Variants in SCAPER observed in about 807,000 individuals in gnomAD.
The protein encoded by SCAPER is S phase cyclin A-associated protein in the endoplasmic reticulum.
SCAPER carries 98 observed loss-of-function variants against 182.2 expected under a neutral mutation model. The observed-to-expected ratio is 0.54, with a 90% confidence interval of 0.46 to 0.64. SCAPER has a LOEUF of 0.64. SCAPER is among the 30% of genes least tolerant of loss of function. The pLI is 0.00. For synonymous variants in SCAPER, 605 were observed against 564.6 expected, an observed-to-expected ratio of 1.07 and a Z score of -1.01; for missense variants, 1,432 against 1,690.0, an observed-to-expected ratio of 0.85 and a Z score of 2.68.
chr15:76,548,704 C>G (rs1023644636), intron 23 of SCAPER, among the ~76,000 whole-genome samples: 1 of 152,200 alleles, frequency 6.6e-6, no homozygotes, highest in Admixed American at 6.5e-5. Flanking sequence ...AAAGGATTCC[C>G]TATTTAATAA....
chr15:76,497,999 A>AAT (rs2040734005), intron 24 of SCAPER, among the ~76,000 whole-genome samples: 3 of 116,748 alleles, frequency 2.6e-5, no homozygotes, highest in South Asian at 4.9e-4. Context: ...CAAAAAAAAA[A>AAT]AAAAAAAAAA....
chr15:76,635,407 T>C (rs1355174473), intron 21 of SCAPER, among the ~76,000 whole-genome samples: 5 of 152,154 alleles, frequency 3.3e-5, no homozygotes, highest in African/African-American at 1.2e-4. Context: ...AAATTCAACA[T>C]AGACAGTGGC....
chr15:76,772,939 T>A (rs2063550143), intron 9 of SCAPER, among the ~76,000 whole-genome samples: 1 of 151,946 alleles, frequency 6.6e-6, no homozygotes, highest in South Asian at 2.1e-4. Flanking sequence ...TATACAAATA[T>A]CAAACTTGGC....
At chr15:76,765,134 T>C in intron 13 of SCAPER, 62 bp from the exon 14 acceptor site, 1 of 1,267,046 alleles carries the variant, frequency 7.9e-7, no homozygotes, top group African/African-American at 1.5e-5. Context: ...CCAGAAAAAG[T>C]GTTCTTTAGA....
chr15:76,407,463 T>C (rs982862451), intron 26 of SCAPER, among the ~76,000 whole-genome samples: 1 of 152,226 alleles, frequency 6.6e-6, no homozygotes, highest in Non-Finnish European at 1.5e-5. Flanking sequence ...CCTTCCCAGG[T>C]ACACAAGCCA....
intron 2 of SCAPER, among the ~76,000 whole-genome samples, chr15:76,869,888 T>C (rs1212064328): frequency 6.6e-6 from 1 of 152,156 alleles, no homozygotes; most frequent in East Asian, 1.9e-4. Flanking sequence ...GTATTACATA[T>C]ACAAAGTTGA....
chr15:76,526,310 G>A (rs2043191307), intron 23 of SCAPER, among the ~76,000 whole-genome samples: 1 of 152,020 alleles, frequency 6.6e-6, no homozygotes, highest in Admixed American at 6.5e-5. Flanking sequence ...TTGCTGTATT[G>A]GTTTTTGGCA....
Position 76,672,085 on chromosome 15 carries a change from G to T in SCAPER, c.2509-6296C>A, listed in dbSNP as rs114491549. On this transcript the variant is annotated intron_variant, in intron 20 of 31. Coordinates refer to ENST00000563290, the MANE Select transcript of SCAPER (RefSeq NM_020843.4). ...CCAGGGATCCCTTCCAGGAGAAACTGCTGGGAAAGGAATTTAAATTGTACA... is the reference window on the plus strand; with the variant it reads ...CCAGGGATCCCTTCCAGGAGAAACTTCTGGGAAAGGAATTTAAATTGTACA... 3.6e-3 allele frequency among the ~76,000 whole-genome samples: 546 copies of T among 152,224 alleles called. 2 individuals carry two copies. The highest frequency in any genetic ancestry group is 0.013 in the African/African-American group (524 of 41,532).
At chr15:76,757,047 C>T (rs2062480197) in intron 14 of SCAPER, among the ~76,000 whole-genome samples, 1 of 152,046 alleles carries the variant, frequency 6.6e-6, no homozygotes, top group Non-Finnish European at 1.5e-5. Context: ...ATCATCTTTC[C>T]CTGATGTTGA....
chr15:76,719,302 G>T (rs930660831), intron 17 of SCAPER, among the ~76,000 whole-genome samples: 2 of 152,092 alleles, frequency 1.3e-5, no homozygotes, highest in Non-Finnish European at 2.9e-5. Context: ...GAAAAATATT[G>T]CATGATCTCA....
At chr15:76,861,556 C>G (rs2071866626) in intron 3 of SCAPER, among the ~76,000 whole-genome samples, 1 of 152,076 alleles carries the variant, frequency 6.6e-6, no homozygotes, top group African/African-American at 2.4e-5. Flanking sequence ...TCAACATCCT[C>G]AAAACAGTGG....
At chr15:76,564,320 T>C (rs942028911) in intron 23 of SCAPER, among the ~76,000 whole-genome samples, 2 of 152,078 alleles carry the variant, frequency 1.3e-5, no homozygotes, top group Admixed American at 1.3e-4. Flanking sequence ...CAAAATCTCA[T>C]GATACAAAAT....
At chr15:76,611,222 G>T (rs1452211449) in intron 22 of SCAPER, among the ~76,000 whole-genome samples, 4 of 151,726 alleles carry the variant, frequency 2.6e-5, no homozygotes, top group Non-Finnish European at 5.9e-5. Context: ...GCAAAAAAAT[G>T]AAATCGAACA....
At chr15:76,401,701 T>C (rs536819360) in intron 27 of SCAPER, among the ~76,000 whole-genome samples, 3 of 152,176 alleles carry the variant, frequency 2.0e-5, no homozygotes, top group Admixed American at 6.5e-5. Context: ...AAACTAAACA[T>C]GACGCTAACT....
intron 1 of SCAPER, among the ~76,000 whole-genome samples, chr15:76,903,545 G>A (rs752134862): frequency 5.9e-5 from 9 of 152,130 alleles, no homozygotes; most frequent in African/African-American, 1.9e-4. Flanking sequence ...CAGCTAGAGG[G>A]TGCCATCTAT....
At chr15:76,637,892 G>C (rs187307673) in intron 21 of SCAPER, among the ~76,000 whole-genome samples, 1 of 151,534 alleles carries the variant, frequency 6.6e-6, no homozygotes, top group South Asian at 2.1e-4. Context: ...ATTAGACTGA[G>C]TGTCTTTTCA....
Position 76,581,435 on chromosome 15 carries a change from C to T in SCAPER, c.2712-7151G>A, listed in dbSNP as rs76297321. ...CAAAATACAAGCAAATGGAATTCAA[C>T]AACACATTAAAAAGATCATTCATTG... is the stretch of plus-strand genomic sequence containing the variant. On this transcript the variant is annotated intron_variant, in intron 22 of 31. Coordinates refer to ENST00000563290, the MANE Select transcript of SCAPER (RefSeq NM_020843.4). 3.9e-3 allele frequency among the ~76,000 whole-genome samples: 598 copies of T among 152,216 alleles called. 4 individuals carry two copies. The highest frequency in any genetic ancestry group is 0.013 in the African/African-American group (548 of 41,550).
rs568345949 is a variant in SCAPER at position 76,464,379 on chromosome 15, A to C, written c.3078+6833T>G. On this transcript the variant is annotated intron_variant, in intron 25 of 31. Coordinates refer to ENST00000563290, the MANE Select transcript of SCAPER (RefSeq NM_020843.4). ...TTGATTAATATTCCATTGTTTGTACAGTTGTCCCTCAGTATACACAGGCGA... is the reference window on the plus strand; with the variant it reads ...TTGATTAATATTCCATTGTTTGTACCGTTGTCCCTCAGTATACACAGGCGA... Among the ~76,000 whole-genome samples the C allele has an allele frequency of 5.9e-5, 9 of 152,134 alleles. No homozygotes were observed. The East Asian group carries it at 1.7e-3, about 29-fold the overall frequency.
intron 23 of SCAPER, among the ~76,000 whole-genome samples, chr15:76,552,886 C>T (rs1160144985): frequency 6.6e-6 from 1 of 152,176 alleles, no homozygotes; most frequent in Non-Finnish European, 1.5e-5. Context: ...CTCCAGGGAC[C>T]CCAGTCTGGC....
Sources: allele counts gnomAD v4.1 joint callset (sites outside exome capture counted in the v4.1 genomes callset), GRCh38; gene constraint gnomAD v4.1.1; transcripts MANE v1.5; gene names NCBI Gene and HGNC (gene_info 2026-07-23, HGNC 2026-07-21).